RBFOX3: variants seen among roughly 807,000 people sequenced by gnomAD.
The protein encoded by RBFOX3 is RNA binding protein fox-1 homolog 3.
A neutral mutation model predicts 48.7 loss-of-function variants in RBFOX3; 17 were observed. The ratio of observed to expected loss-of-function variants is 0.35; its 90% CI spans 0.24 to 0.52. The LOEUF (loss-of-function observed/expected upper bound fraction) is 0.52. Ranked by LOEUF, RBFOX3 falls within the 20% of genes least tolerant of loss-of-function variation. The pLI, the probability that RBFOX3 is intolerant of heterozygous loss-of-function variation, is 0.94. For synonymous variants in RBFOX3, 212 were observed against 209.5 expected (o/e 1.01, Z -0.10); for missense variants, 382 against 497.5 (o/e 0.77, Z 2.21).
chr17:79,597,038 T>C (rs1321402223), intron 1 of RBFOX3, among the ~76,000 whole-genome samples: 1 of 152,166 alleles, frequency 6.6e-6, no homozygotes, highest in Non-Finnish European at 1.5e-5. Context: ...GGGTCACCCC[T>C]GGCCGAGGCC....
chr17:79,384,217 T>G (rs1013056123), intron 2 of RBFOX3, among the ~76,000 whole-genome samples: 2 of 152,114 alleles, frequency 1.3e-5, no homozygotes, highest in African/African-American at 4.8e-5. Flanking sequence ...CAGGACTCAC[T>G]CTGGGGACCC....
chr17:79,182,835 C>T (rs1394256547), intron 4 of RBFOX3, among the ~76,000 whole-genome samples: 1 of 151,644 alleles, frequency 6.6e-6, no homozygotes, highest in Non-Finnish European at 1.5e-5. Flanking sequence ...CCGCCGCCAC[C>T]TCTGCGCGCC....
At chr17:79,529,449 G>T (rs961908029) in intron 1 of RBFOX3, among the ~76,000 whole-genome samples, 3 of 152,234 alleles carry the variant, frequency 2.0e-5, no homozygotes, top group African/African-American at 4.8e-5. Context: ...ACAGCAGACA[G>T]AGGGAGACTG....
chr17:79,384,795 G>A (rs532234790), intron 2 of RBFOX3, among the ~76,000 whole-genome samples: 21 of 152,188 alleles, frequency 1.4e-4, no homozygotes, highest in Non-Finnish European at 2.1e-4. Context: ...CACCCACACC[G>A]GCCCCTGAAC....
At chr17:79,584,816 A>T (rs1391626745) in intron 1 of RBFOX3, among the ~76,000 whole-genome samples, 2 of 151,578 alleles carry the variant, frequency 1.3e-5, no homozygotes, top group African/African-American at 4.9e-5. Context: ...CCCAGGCTGG[A>T]GTGCAGTGGC....
At position 79,103,055 on chromosome 17, in the gene RBFOX3, CA is replaced by C; in HGVS notation, c.507+106del. ...TCCTCCCACCCCAGGGAACCCTGGC[CA>C]GGCTCTCTGAAGGGTGCGGCAGTGG... On this transcript the variant is annotated intron_variant, in intron 8 of 14. Coordinates refer to ENST00000693108, the MANE Select transcript of RBFOX3 (RefSeq NM_001350451.2). The surrounding 1 kb of genome is among the most constrained non-coding windows in gnomAD (Gnocchi z 6.1). 3 of 839,382 alleles carry C rather than the reference CA, an allele frequency of 3.6e-6. No individual in the cohort carries two copies. The highest frequency in any genetic ancestry group is 5.8e-6 in the Non-Finnish European group (3 of 517,840). The allele number at this position is 839,382 out of a possible 1,614,324, so 52.0% of individuals were successfully genotyped here. A position where few individuals can be genotyped will look rare whatever the true frequency, so the allele number is the denominator to read the frequency against.
chr17:79,226,015 G>A (rs2060276105), intron 4 of RBFOX3, among the ~76,000 whole-genome samples: 1 of 152,184 alleles, frequency 6.6e-6, no homozygotes, highest in African/African-American at 2.4e-5. Flanking sequence ...AATTGATGAG[G>A]TGATGTTCAG....
In RBFOX3 at chr17:79,383,303, A is replaced by G. The variant is rs531941268; in HGVS notation, c.-174-75479T>C. Among the ~76,000 whole-genome samples, 13 of 152,324 alleles carry G rather than the reference A, an allele frequency of 8.5e-5. 1 individual carries two copies. The highest frequency in any genetic ancestry group is 3.1e-4 in the African/African-American group (13 of 41,568). ...CAGGCTGTTGTCTAGAGGGTCTAAC[A>G]CGGCTGGCCACGTGACCACTGCCTC... On this transcript the variant is annotated intron_variant, in intron 2 of 14. Coordinates refer to ENST00000693108, the MANE Select transcript of RBFOX3 (RefSeq NM_001350451.2).
At chr17:79,314,609 G>C (rs2077286788) in intron 2 of RBFOX3, among the ~76,000 whole-genome samples, 1 of 151,624 alleles carries the variant, frequency 6.6e-6, no homozygotes, top group African/African-American at 2.4e-5. Context: ...AAATGGGGCA[G>C]GTTTCTAAGT....
At position 79,150,117 on chromosome 17, in the gene RBFOX3, G is replaced by GT. The variant is rs1367500335; in HGVS notation, c.-33-34370dup. Among the ~76,000 whole-genome samples the GT allele has an allele frequency of 9.9e-5, 15 of 150,984 alleles. 1 individual carries two copies. The highest frequency in any genetic ancestry group is 2.0e-4 in the Admixed American group (3 of 15,192). ...GAGGCAGACAAGGAGGGACTCTCAG[G>GT]TATCCACAGGGGAGGGGCAACCAGG... On this transcript the variant is annotated intron_variant, in intron 4 of 14. Coordinates refer to ENST00000693108, the MANE Select transcript of RBFOX3 (RefSeq NM_001350451.2).
At chr17:79,655,169 C>T in the RBFOX3 span, among the ~76,000 whole-genome samples, 9 of 152,178 alleles carry the variant, frequency 5.9e-5, no homozygotes, top group Non-Finnish European at 1.3e-4. Context: ...GCACTGGTCC[C>T]TGGGGCCACA....
At chr17:79,598,744 G>A (rs1020546675) in intron 1 of RBFOX3, 1 of 152,164 alleles carries the variant, frequency 6.6e-6, no homozygotes, top group Non-Finnish European at 1.5e-5. Flanking sequence ...TTTTTGAGTT[G>A]TTGAGTTGTT....
intron 2 of RBFOX3, among the ~76,000 whole-genome samples, chr17:79,324,015 T>A (rs1053033619): frequency 6.6e-6 from 1 of 152,280 alleles, no homozygotes; most frequent in South Asian, 2.1e-4. Flanking sequence ...AGGTGGGAGA[T>A]GGGAAGCCCG....
At chr17:79,632,741 TAAAAAAAAA>T in the RBFOX3 span, among the ~76,000 whole-genome samples, 1 of 125,508 alleles carries the variant, frequency 8.0e-6, no homozygotes, top group African/African-American at 2.9e-5. Flanking sequence ...ACGTATCTAC[TAAAAAAAAA>T]AAAAAAAAAA....
At chr17:79,658,237 G>C in the RBFOX3 span, among the ~76,000 whole-genome samples, 4 of 151,918 alleles carry the variant, frequency 2.6e-5, no homozygotes, top group African/African-American at 7.3e-5. Context: ...ATTTAACCAA[G>C]TGAAATGGTC....
Position 79,299,251 on chromosome 17 carries a change from G to A in RBFOX3, c.-74+8473C>T, listed in dbSNP as rs182961359. ...GCCAGCACACCCAGACACAACCCCG[G>A]ATGGCATCAGGCTCGGTTAGGGGCT... is the stretch of plus-strand genomic sequence containing the variant. On this transcript the variant is annotated intron_variant, in intron 3 of 14. Coordinates refer to ENST00000693108, the MANE Select transcript of RBFOX3 (RefSeq NM_001350451.2). This position sits in a 1 kb window ranked among gnomAD's most constrained non-coding sequence, Gnocchi z 4.5. Among the ~76,000 whole-genome samples, 1 of 151,982 alleles carries A rather than the reference G, an allele frequency of 6.6e-6. No individual in the cohort carries two copies. The highest frequency in any genetic ancestry group is 2.4e-5 in the African/African-American group (1 of 41,436).
At chr17:79,137,312 C>A (rs2040448884) in intron 4 of RBFOX3, among the ~76,000 whole-genome samples, 1 of 152,182 alleles carries the variant, frequency 6.6e-6, no homozygotes, top group Non-Finnish European at 1.5e-5. Flanking sequence ...TGTACACACA[C>A]ACACATTCCC....
rs2077323397 is a variant in RBFOX3 at position 79,473,648 on chromosome 17, G to A, written c.-175+8806C>T. Among the ~76,000 whole-genome samples the A allele has an allele frequency of 6.6e-6, 1 of 152,138 alleles. No individual in the cohort carries two copies. Among genetic ancestry groups the A allele is most frequent in the Admixed American group, 6.5e-5 (1 of 15,282 alleles). On this transcript the variant is annotated intron_variant, in intron 2 of 14. Coordinates refer to ENST00000693108, the MANE Select transcript of RBFOX3 (RefSeq NM_001350451.2). The surrounding 1 kb of genome is among the most constrained non-coding windows in gnomAD (Gnocchi z 4.2). ...TTGACATCCTGATGAACCCCCGCTG[G>A]TGACGGCAGGTGGCCACACCCTGCA...
intron 4 of RBFOX3, among the ~76,000 whole-genome samples, chr17:79,197,810 C>T (rs2055955014): frequency 6.6e-6 from 1 of 152,078 alleles, no homozygotes; most frequent in Non-Finnish European, 1.5e-5. Flanking sequence ...CCCCTTTGTA[C>T]AGCAGAGAGG....
Sources: gnomAD v4.1 joint callset for allele counts (sites outside exome capture counted in the v4.1 genomes callset) on GRCh38, gnomAD v4.1.1 for gene constraint, Gnocchi (gnomAD v3.1) non-coding constraint, MANE v1.5 for transcripts, NCBI Gene and HGNC (gene_info 2026-07-23, HGNC 2026-07-21) for gene names.